The following ZNF600 variants were observed in gnomAD, a reference collection of about 807,000 sequenced individuals.
ZNF600 encodes zinc finger protein KR-ZNF1.
Under a neutral mutation model 7.3 loss-of-function variants are expected in ZNF600, and 4 were observed. The ratio of observed to expected loss-of-function variants is 0.55; its 90% confidence interval spans 0.27 to 1.25. The LOEUF (loss-of-function observed/expected upper bound fraction) is 1.25, where lower values mean the gene tolerates loss of function less well. Ranked by LOEUF, ZNF600 falls within the 50% of genes most tolerant of loss-of-function variation. The probability of loss-of-function intolerance (pLI) is 0.12; values close to 1 mark genes in which losing one functional copy is unlikely to be tolerated. For missense variants in ZNF600, 911 were observed against 922.1 expected, an observed-to-expected ratio of 0.99 and a Z score of 0.16; for synonymous variants, 290 against 308.9, an observed-to-expected ratio of 0.94 and a Z score of 0.64.
upstream of ZNF600, among the ~76,000 whole-genome samples, chr19:52,789,983 G>A (rs913349138): frequency 6.6e-5 from 10 of 152,066 alleles, no homozygotes; most frequent in Admixed American, 1.3e-4. Flanking sequence ...GTCACAAGGT[G>A]CTCAGTGGGG....
At chr19:52,832,330 T>C in the ZNF600 span, among the ~76,000 whole-genome samples, 1 of 152,154 alleles carries the variant, frequency 6.6e-6, no homozygotes, top group African/African-American at 2.4e-5. Context: ...GCACGGTGGC[T>C]CAGGCTTGTA....
At chr19:52,810,141 C>A in the ZNF600 span, 1 of 897,798 alleles carries the variant, frequency 1.1e-6, no homozygotes, top group Non-Finnish European at 1.9e-6. Flanking sequence ...CGAGGGTGAC[C>A]CGGGGCTGGA....
chr19:52,783,755 C>T (rs1186092124), intron 1 of ZNF600, among the ~76,000 whole-genome samples: 1 of 152,008 alleles, frequency 6.6e-6, no homozygotes, highest in Non-Finnish European at 1.5e-5. Flanking sequence ...ATTTTATGCC[C>T]CTCTCCTGTT....
chr19:52,775,108 C>A (rs1320716434), intron 2 of ZNF600, among the ~76,000 whole-genome samples: 19 of 152,018 alleles, frequency 1.2e-4, no homozygotes, highest in Admixed American at 1.1e-3. Context: ...GGCATGGTGG[C>A]AGGCACCTGT....
intron 1 of ZNF600, 87 bp from the exon 2 acceptor site, chr19:52,781,551 G>C (rs1185875307): frequency 1.3e-5 from 2 of 152,100 alleles, no homozygotes; most frequent in Non-Finnish European, 2.9e-5. Context: ...CCGATCACTG[G>C]AGCCGAGAAG....
the ZNF600 span, among the ~76,000 whole-genome samples, chr19:52,823,589 G>A: frequency 6.6e-6 from 1 of 152,118 alleles, no homozygotes; most frequent in Non-Finnish European, 1.5e-5. Context: ...TCAAAGCTCA[G>A]AATTATTTAA....
intron 1 of ZNF600, among the ~76,000 whole-genome samples, chr19:52,784,353 A>G (rs544232499): frequency 6.6e-6 from 1 of 152,298 alleles, no homozygotes; most frequent in African/African-American, 2.4e-5. Context: ...CTGCAGTTAG[A>G]GTAGAGAACG....
chr19:52,779,606 T>G (rs2062704328), intron 1 of ZNF600, among the ~76,000 whole-genome samples: 1 of 152,094 alleles, frequency 6.6e-6, no homozygotes, highest in Non-Finnish European at 1.5e-5. Context: ...GAAATAAATC[T>G]TCGAGCCCCA....
intron 3 of ZNF600, among the ~76,000 whole-genome samples, chr19:52,768,265 C>T (rs137863118): frequency 1.3e-5 from 2 of 151,436 alleles, no homozygotes; most frequent in African/African-American, 4.8e-5. Context: ...ACAATTATAG[C>T]ACCGAGAAGA....
chr19:52,828,083 GCT>G, the ZNF600 span, among the ~76,000 whole-genome samples: 2 of 151,696 alleles, frequency 1.3e-5, no homozygotes, highest in Admixed American at 1.3e-4. Flanking sequence ...ACAAAGTCTT[GCT>G]CTGTCACCCA....
At chr19:52,789,330 G>A (rs1336547936), upstream of ZNF600, among the ~76,000 whole-genome samples, 1 of 152,152 alleles carries the variant, frequency 6.6e-6, no homozygotes, top group Non-Finnish European at 1.5e-5. Flanking sequence ...ATGTCACAGA[G>A]CTCCTGGGAC....
chr19:52,774,793 CAA>C, intron 2 of ZNF600, 92 bp from the exon 5 acceptor site: 2 of 985,078 alleles, frequency 2.0e-6, no homozygotes, highest in Non-Finnish European at 2.4e-6. Context: ...AGTATTTGAT[CAA>C]AGACTGTGTT....
chr19:52,826,534 C>T, the ZNF600 span, among the ~76,000 whole-genome samples: 34 of 152,214 alleles, frequency 2.2e-4, no homozygotes, highest in African/African-American at 7.0e-4. Flanking sequence ...GGCAAAACCC[C>T]ATCTCTACTA....
chr19:52,792,412 C>T, the ZNF600 span, among the ~76,000 whole-genome samples: 11 of 152,072 alleles, frequency 7.2e-5, no homozygotes, highest in African/African-American at 2.7e-4. Flanking sequence ...GTGCCTCATC[C>T]AAAAGGCTAA....
chr19:52,774,498 A>G, intron 3 of ZNF600, 77 bp downstream of exon 5: 1 of 984,870 alleles, frequency 1.0e-6, no homozygotes, highest in Non-Finnish European at 1.2e-6. Context: ...AAAATCACAA[A>G]AGAGAACACA....
the ZNF600 span, among the ~76,000 whole-genome samples, chr19:52,812,843 C>G: frequency 1.5e-4 from 23 of 150,012 alleles, no homozygotes; most frequent in Non-Finnish European, 2.8e-4. Flanking sequence ...ACTGGGCAAG[C>G]CTTTGAGGAA....
the ZNF600 span, chr19:52,817,796 G>C: frequency 6.5e-7 from 1 of 1,530,336 alleles, no homozygotes; most frequent in Non-Finnish European, 8.9e-7. Flanking sequence ...GAATCTAAGC[G>C]AGATGAGATG....
At chr19:52,764,833 A>C (rs2062555980) in exon 4 of ZNF600, 1 of 161,832 alleles carries the variant, frequency 6.2e-6, no homozygotes, top group African/African-American at 2.4e-5. Context: ...CCCTTTTATA[A>C]AGTACTATAT....
the ZNF600 span, chr19:52,807,780 TA>T: frequency 3.8e-6 from 3 of 779,574 alleles, no homozygotes; most frequent in Non-Finnish European, 5.8e-6. Flanking sequence ...CAGGCTGCCA[TA>T]AAGTTTTATG....
Sources: allele counts gnomAD v4.1 joint callset (sites outside exome capture counted in the v4.1 genomes callset), GRCh38; gene constraint gnomAD v4.1.1; transcripts MANE v1.5; gene names NCBI Gene and HGNC (gene_info 2026-07-23, HGNC 2026-07-21).